ADAMTS2: variants seen among roughly 807,000 people sequenced by gnomAD.
ADAMTS2 encodes the protein ADAM metallopeptidase with thrombospondin type 1 motif 2.
In ADAMTS2, 50 loss-of-function variants were observed where a neutral mutation model predicts 123.0. The observed-to-expected ratio is 0.41, with a 90% CI of 0.32 to 0.51. The LOEUF (loss-of-function observed/expected upper bound fraction) is 0.51, where lower values mean the gene tolerates loss of function less well. ADAMTS2 is among the 20% of genes least tolerant of loss of function. The pLI is 0.35. For missense variants in ADAMTS2, 1,494 were observed against 1,705.2 expected (o/e 0.88, Z 2.18); for synonymous variants, 678 against 695.4 (o/e 0.98, Z 0.39).
rs1296847536 is a variant in ADAMTS2, at chr5:179,121,743, G to A, written c.3096C>T (p.Ile1032=). ...TCRLGPCPRN[I]SDPSKKSYVV... is the part of the protein sequence containing the mutation. ...CGTAGCTCTTCTTGGAGGGATCTGA[G>A]ATGTTTCCTAGAGGGAGGAGAGAGG... The change falls in exon 21 of 22, where the codon ATC becomes ATT. Residue 1032 remains isoleucine (I), a synonymous_variant. Transcript: ENST00000251582. 1.9e-6 allele frequency: 3 copies of A among 1,578,638 alleles called. No homozygotes were observed. Among genetic ancestry groups the A allele is most frequent in the Admixed American group, 1.8e-5 (1 of 56,826 alleles).
chr5:179,194,270 C>T (rs1341500865), intron 4 of ADAMTS2, among the ~76,000 whole-genome samples: 3 of 152,092 alleles, frequency 2.0e-5, no homozygotes, highest in Non-Finnish European at 2.9e-5. Context: ...GACCCCTGTT[C>T]GAGTGTTCCC....
intron 4 of ADAMTS2, among the ~76,000 whole-genome samples, chr5:179,199,694 T>C (rs967405287): frequency 6.6e-6 from 1 of 152,136 alleles, no homozygotes; most frequent in African/African-American, 2.4e-5. Flanking sequence ...TTCCACTCTG[T>C]GAAATCCTCT....
intron 4 of ADAMTS2, among the ~76,000 whole-genome samples, chr5:179,190,432 C>T (rs867702071): frequency 1.5e-4 from 22 of 151,502 alleles, no homozygotes; most frequent in South Asian, 8.4e-4. Context: ...AGAAACTAAA[C>T]GGAAGACACA....
intron 2 of ADAMTS2, among the ~76,000 whole-genome samples, chr5:179,274,138 C>T (rs549114840): frequency 6.6e-6 from 1 of 152,114 alleles, no homozygotes; most frequent in Admixed American, 6.5e-5. Context: ...CCCTCCCCTG[C>T]CATACCCTGC....
At chr5:179,259,979 A>C (rs1013223239) in intron 3 of ADAMTS2, among the ~76,000 whole-genome samples, 2 of 152,250 alleles carry the variant, frequency 1.3e-5, no homozygotes, top group Non-Finnish European at 2.9e-5. Context: ...TCCCTTGTTC[A>C]AAAAGTGATT....
At chr5:179,168,236 A>T (rs1763744944) in intron 5 of ADAMTS2, among the ~76,000 whole-genome samples, 1 of 152,124 alleles carries the variant, frequency 6.6e-6, no homozygotes, top group Non-Finnish European at 1.5e-5. Flanking sequence ...GACAACCAAA[A>T]GTCTCTCCAG....
chr5:179,147,256 T>C (rs1417734571), intron 10 of ADAMTS2, among the ~76,000 whole-genome samples: 2 of 152,228 alleles, frequency 1.3e-5, no homozygotes, highest in East Asian at 3.9e-4. Context: ...GCCTGGCTAA[T>C]TTTTGTATTT....
In ADAMTS2 at chr5:179,329,321, C is replaced by T. The variant is rs186141593; in HGVS notation, c.534+14446G>A. ...CAGCCTGGGCAACAGAGTGAGACTC[C>T]GTCTCAAAAAAAAAAAAAAAAACAA... On this transcript the variant is annotated intron_variant, in intron 2 of 21. Coordinates refer to ENST00000251582, the MANE Select transcript of ADAMTS2 (RefSeq NM_014244.5). 5.8e-3 allele frequency among the ~76,000 whole-genome samples: 796 copies of T among 136,824 alleles called. 12 individuals are homozygous for T. Among genetic ancestry groups the T allele is most frequent in the African/African-American group, 0.021 (752 of 35,434 alleles). The allele number at this position is 136,824 out of a possible 152,430, so 89.8% of individuals were successfully genotyped here.
chr5:179,173,544 C>G (rs961794116), intron 5 of ADAMTS2, among the ~76,000 whole-genome samples: 1 of 152,180 alleles, frequency 6.6e-6, no homozygotes, highest in Non-Finnish European at 1.5e-5. Context: ...CATTACTTAA[C>G]TAGACCACTA....
chr5:179,328,096 G>A (rs114039510), intron 2 of ADAMTS2, among the ~76,000 whole-genome samples: 11 of 152,276 alleles, frequency 7.2e-5, no homozygotes, highest in East Asian at 5.8e-4. Context: ...TGGTGCAAGC[G>A]ATCTGAGCTC....
chr5:179,141,447 G>T (rs1362015772), intron 10 of ADAMTS2, among the ~76,000 whole-genome samples: 2 of 152,174 alleles, frequency 1.3e-5, no homozygotes, highest in Admixed American at 1.3e-4. Context: ...TTGAATGGAA[G>T]TGTAAGGAGG....
At chr5:179,282,760 A>C (rs1581244663) in intron 2 of ADAMTS2, among the ~76,000 whole-genome samples, 1 of 152,300 alleles carries the variant, frequency 6.6e-6, no homozygotes, top group Non-Finnish European at 1.5e-5. Context: ...ACATTGGCCT[A>C]CAAAGAAACT....
intron 12 of ADAMTS2, among the ~76,000 whole-genome samples, chr5:179,136,292 A>C (rs1463595284): frequency 3.3e-5 from 5 of 152,202 alleles, no homozygotes; most frequent in Non-Finnish European, 7.3e-5. Flanking sequence ...CTGTTGGTGC[A>C]GCCCGGCTCT....
In ADAMTS2 at chr5:179,181,605, G is replaced by A. The variant is rs1033926693; in HGVS notation, c.892-450C>T. 6.6e-5 allele frequency among the ~76,000 whole-genome samples: 10 copies of A among 152,068 alleles called. No individual in the cohort carries two copies. Among genetic ancestry groups the A allele is most frequent in the Admixed American group, 3.9e-4 (6 of 15,276 alleles). Reference sequence around the variant, plus strand: ...GGTGTGGGGATTACCTACCTGCATCGCTACTTGGAAATGGGGGCGGTTCTA... The same window carrying A: ...GGTGTGGGGATTACCTACCTGCATCACTACTTGGAAATGGGGGCGGTTCTA... On this transcript the variant is annotated intron_variant, in intron 4 of 21. Coordinates refer to ENST00000251582, the MANE Select transcript of ADAMTS2 (RefSeq NM_014244.5). This position sits in a 1 kb window ranked among gnomAD's most constrained non-coding sequence, Gnocchi z 4.1.
chr5:179,227,916 C>G (rs920729181), intron 3 of ADAMTS2, among the ~76,000 whole-genome samples: 2 of 152,050 alleles, frequency 1.3e-5, no homozygotes, highest in Non-Finnish European at 2.9e-5. Flanking sequence ...AGCGTGTGGA[C>G]AAAGACTGAG....
intron 2 of ADAMTS2, among the ~76,000 whole-genome samples, chr5:179,321,667 C>T (rs1561742720): frequency 1.4e-5 from 2 of 148,106 alleles, no homozygotes; most frequent in Non-Finnish European, 3.0e-5. Context: ...CCACAGCCCT[C>T]CATACAGAGC....
chr5:179,204,784 A>G (rs890980249), intron 4 of ADAMTS2, among the ~76,000 whole-genome samples: 1 of 152,180 alleles, frequency 6.6e-6, no homozygotes, highest in African/African-American at 2.4e-5. Context: ...TCAGAGGCAG[A>G]GACCCCCCGC....
In ADAMTS2 at chr5:179,207,637, C is replaced by G; in HGVS notation, c.767G>C (p.Arg256Thr). ...ATCGTCCGCAGCATGCCTGCGTGCC[C>G]TCCGCCTCGAGCTGTTGGCGTGCTC... ...LEEHANSSRRRARRHAADDDY... is the reference protein window; with the variant it reads ...LEEHANSSRRTARRHAADDDY... The change falls in exon 4 of 22, where the codon AGG (arginine) becomes ACG (threonine). Residue 256 changes from arginine to threonine, a missense_variant. Arg to Thr is a moderately conservative substitution (Grantham distance 71). Transcript: ENST00000251582. 1 of 1,613,782 alleles carries G rather than the reference C, an allele frequency of 6.2e-7. No homozygotes were observed. Among genetic ancestry groups the G allele is most frequent in the Non-Finnish European group, 8.5e-7 (1 of 1,180,014 alleles).
intron 7 of ADAMTS2, 118 bp from the exon 8 acceptor site, chr5:179,154,310 C>T (rs1763426198): frequency 2.8e-6 from 4 of 1,428,108 alleles, no homozygotes; most frequent in Middle Eastern, 2.4e-4. Flanking sequence ...GACCTTGGCC[C>T]ACTCTGAGCC....
Sources: gnomAD v4.1 joint callset for allele counts (sites outside exome capture counted in the v4.1 genomes callset) on GRCh38, gnomAD v4.1.1 for gene constraint, Gnocchi (gnomAD v3.1) non-coding constraint, MANE v1.5 for transcripts, NCBI Gene and HGNC (gene_info 2026-07-23, HGNC 2026-07-21) for gene names.